The following PFDN6 variants were observed in gnomAD, a reference collection of about 807,000 sequenced individuals.
PFDN6 encodes the protein prefoldin subunit 6, also known as HLA class II region expressed gene KE2.
Under a neutral mutation model 19.3 loss-of-function variants are expected in PFDN6, and 5 were observed. The observed-to-expected ratio is 0.26, with a 90% CI of 0.14 to 0.55. The LOEUF (loss-of-function observed/expected upper bound fraction) is 0.55, where lower values mean the gene tolerates loss of function less well. PFDN6 is among the 20% of genes least tolerant of loss of function. The pLI is 0.94. For synonymous variants in PFDN6, 51 were observed against 63.4 expected (o/e 0.80, Z 0.93); for missense variants, 101 against 149.4 (o/e 0.68, Z 1.69).
At position 33,289,914 on chromosome 6, in the gene PFDN6, C is replaced by A; in HGVS notation, c.58C>A (p.Gln20Lys). The change falls in exon 1 of 4, where the codon CAG (glutamine) becomes AAG (lysine). Residue 20 changes from glutamine (Q) to lysine (K), a missense_variant. By Grantham distance (53) the Gln-to-Lys change is moderately conservative. This residue lies in a region of PFDN6 where 54 missense variants were observed against 108.8 expected (regional missense o/e 0.50). Transcript: ENST00000374606. ...QGEVEKYQQLQKDLSKSMSGR... is the reference protein window; with the variant it reads ...QGEVEKYQQLKKDLSKSMSGR... ...AGAAGTGGAGAAATATCAACAGCTA[C>A]AGAAGGGTAAGGGAACAGGGTCGGT... 6.2e-7 allele frequency: 1 copy of A among 1,608,530 alleles called. No individual in the cohort carries two copies. The highest frequency in any genetic ancestry group is 8.5e-7 in the Non-Finnish European group (1 of 1,177,312).
upstream of PFDN6, chr6:33,289,349 G>A (rs1341758959): frequency 2.0e-5 from 27 of 1,348,090 alleles, no homozygotes; most frequent in Non-Finnish European, 2.2e-5. Flanking sequence ...ACAGTTTTTG[G>A]CACCTTATCG....
At position 33,290,196 on chromosome 6, in the gene PFDN6, G is replaced by A. The variant is rs777352844; in HGVS notation, c.87G>A (p.Gly29=). The change falls in exon 2 of 4, where the codon GGG becomes GGA. Residue 29 remains glycine, a synonymous_variant. Transcript: ENST00000374606. ...CAGACTTAAGTAAATCCATGTCGGG[G>A]AGGCAGAAACTTGAAGCACAACTAA... ...LQKDLSKSMS[G]RQKLEAQLTE... is the part of the protein sequence containing the mutation. The A allele has an allele frequency of 6.4e-5, 103 of 1,614,072 alleles. No individual in the cohort carries two copies. The highest frequency in any genetic ancestry group is 8.2e-5 in the Non-Finnish European group (97 of 1,180,050).
At chr6:33,290,003 TG>T (rs1203925998) in intron 1 of PFDN6, 83 bp downstream of exon 1, 1 of 1,394,770 alleles carries the variant, frequency 7.2e-7, no homozygotes, top group African/African-American at 1.4e-5. Context: ...TTGCCCCATC[TG>T]GGCCCTCGCG....
rs1216789641 is a variant in PFDN6 at position 33,290,534 on chromosome 6, A to C, written c.260+84A>C. The C allele has an allele frequency of 2.0e-6, 3 of 1,503,546 alleles. No individual in the cohort carries two copies. In the East Asian group the frequency reaches 6.8e-5, roughly 34 times the overall value. 93.1% of individuals were successfully genotyped at this position (1,503,546 alleles called of 1,614,324 possible). A position where few individuals can be genotyped will look rare whatever the true frequency, so the allele number is the denominator to read the frequency against. On this transcript the variant is annotated intron_variant, in intron 3 of 3. Coordinates refer to ENST00000374606, the MANE Select transcript of PFDN6 (RefSeq NM_001185181.3). ...TAGAGGTGTTGAACCATTGCAGAAC[A>C]GCTCTCCATAGTGGCCCCTAGTCCT...
At position 33,290,583 on chromosome 6, in the gene PFDN6, C is replaced by T. The variant is rs578152670; in HGVS notation, c.260+133C>T. The T allele has an allele frequency of 6.2e-6, 9 of 1,460,778 alleles. No individual in the cohort carries two copies. The South Asian group carries it at 9.2e-5, about 15-fold the overall frequency. 90.5% of individuals were successfully genotyped at this position (1,460,778 alleles called of 1,614,324 possible). A position where few individuals can be genotyped will look rare whatever the true frequency, so the allele number is the denominator to read the frequency against. On this transcript the variant is annotated intron_variant, in intron 3 of 3. Transcript: ENST00000374606. ...CTCCAGTTCCTCCAACCCTTTCCTTCCCTTTTAACCCCCCTTCTTCTCCCT... is the reference window on the plus strand; with the variant it reads ...CTCCAGTTCCTCCAACCCTTTCCTTTCCTTTTAACCCCCCTTCTTCTCCCT...
chr6:33,289,930 C>A lies in PFDN6; in HGVS notation c.64+10C>A. ...CAACAGCTACAGAAGGGTAAGGGAA[C>A]AGGGTCGGTATGGTCTCGCCCAATG... On this transcript the variant is annotated intron_variant, in intron 1 of 3. Coordinates refer to ENST00000374606, the MANE Select transcript of PFDN6 (RefSeq NM_001185181.3). 6.2e-7 allele frequency: 1 copy of A among 1,602,708 alleles called. No homozygotes were observed. The highest frequency in any genetic ancestry group is 8.5e-7 in the Non-Finnish European group (1 of 1,173,802).
At chr6:33,289,983 A>G in intron 1 of PFDN6, 63 bp downstream of exon 1, 13 of 1,494,204 alleles carry the variant, frequency 8.7e-6, no homozygotes, top group Non-Finnish European at 1.2e-5. Flanking sequence ...CATTACCGAG[A>G]TAAGGTTTGT....
chr6:33,290,640 T>C, intron 3 of PFDN6, 76 bp from the exon 4 acceptor site: 2 of 1,554,862 alleles, frequency 1.3e-6, no homozygotes, highest in Non-Finnish European at 1.8e-6. Flanking sequence ...ACCTATCTCT[T>C]TCTTGCGTTT....
rs113189332 is a variant in PFDN6, at chr6:33,290,318, T to C, written c.136-8T>C. The C allele has an allele frequency of 6.2e-7, 1 of 1,610,122 alleles. No individual in the cohort carries two copies. Among genetic ancestry groups the C allele is most frequent in the Non-Finnish European group, 8.5e-7 (1 of 1,176,946 alleles). ...GTTCTGATCACATATGTCCCATCCC[T>C]CCATCAGGAACTGGCCCTGCTGGAT... On this transcript the variant is annotated splice_region_variant and splice_polypyrimidine_tract_variant and intron_variant, in intron 2 of 3. Coordinates refer to ENST00000374606, the MANE Select transcript of PFDN6 (RefSeq NM_001185181.3).
intron 1 of PFDN6, 33 bp from the exon 2 acceptor site, chr6:33,290,141 A>G: frequency 6.2e-7 from 1 of 1,608,062 alleles, no homozygotes; most frequent in African/African-American, 1.3e-5. Context: ...GGCACATTTG[A>G]TGTTTCTAAA....
upstream of PFDN6, chr6:33,289,491 T>G (rs58759132): frequency 9.5e-3 from 11,840 of 1,241,568 alleles, 933 homozygotes; most frequent in African/African-American, 0.16. Context: ...TCTAGTCTTT[T>G]TAGCAGAACT....
At position 33,289,717 on chromosome 6, in the gene PFDN6, G is replaced by A. The variant is rs539932256; in HGVS notation, c.-140G>A. 4.7e-6 allele frequency: 3 copies of A among 639,396 alleles called. No homozygotes were observed. Among genetic ancestry groups the A allele is most frequent in the South Asian group, 3.0e-5 (1 of 33,846 alleles). The allele number at this position is 639,396 out of a possible 1,614,324, so 39.6% of individuals were successfully genotyped here. ...TGGAGTCGATATCCGGGACGGGGGG[G>A]AGGTTGCGGTGCCCCTCAGGGCTAC... is the stretch of plus-strand genomic sequence containing the variant. On this transcript the variant is annotated 5_prime_UTR_variant, in exon 1 of 4. Coordinates refer to ENST00000374606, the MANE Select transcript of PFDN6 (RefSeq NM_001185181.3).
At chr6:33,290,016 G>A in intron 1 of PFDN6, 96 bp downstream of exon 1, 2 of 1,323,662 alleles carry the variant, frequency 1.5e-6, no homozygotes, top group Admixed American at 1.9e-5. Context: ...GCCCTCGCGT[G>A]CAGAGACTTC....
Sources: gnomAD v4.1 joint callset for allele counts on GRCh38, gnomAD v4.1.1 for gene constraint, gnomAD v4.1.1 regional missense constraint, MANE v1.5 for transcripts, NCBI Gene and HGNC (gene_info 2026-07-23, HGNC 2026-07-21) for gene names.